The following RBPJ variants were observed in gnomAD, a reference collection of about 807,000 sequenced individuals.
RBPJ encodes recombination signal binding protein for immunoglobulin kappa J region, also known as recombining binding protein suppressor of hairless.
Under a neutral mutation model 67.8 loss-of-function variants are expected in RBPJ, and 9 were observed. That is an observed-to-expected ratio of 0.13 (90% CI 0.08 to 0.23). RBPJ has a LOEUF of 0.23. Among genes scored for constraint, RBPJ ranks in the 10% least tolerant of loss-of-function variants. The pLI is 1.00. For missense variants in RBPJ, 305 were observed against 595.6 expected, an observed-to-expected ratio of 0.51 and a Z score of 5.08; for synonymous variants, 198 against 203.3, an observed-to-expected ratio of 0.97 and a Z score of 0.22.
intron 1 of RBPJ, among the ~76,000 whole-genome samples, chr4:26,229,204 C>T (rs888209694): frequency 2.0e-5 from 3 of 152,152 alleles, no homozygotes; most frequent in African/African-American, 7.2e-5. Flanking sequence ...GGTAGATTTT[C>T]CTAAATGTGG....
chr4:26,329,801 G>T (rs1724037843), intron 1 of RBPJ, among the ~76,000 whole-genome samples: 2 of 152,036 alleles, frequency 1.3e-5, no homozygotes, highest in Non-Finnish European at 2.9e-5. Flanking sequence ...GGCTGAGGCA[G>T]GAGAATGGCA....
chr4:26,297,334 T>TTGTGTGTGTG (rs3065203), intron 1 of RBPJ, among the ~76,000 whole-genome samples: 25 of 146,696 alleles, frequency 1.7e-4, no homozygotes, highest in African/African-American at 6.1e-4. Context: ...AAAAATCACT[T>TTGTGTGTGTG]TGTGTGTGTG....
At chr4:26,202,627 C>A (rs1370909825) in intron 1 of RBPJ, among the ~76,000 whole-genome samples, 1 of 152,042 alleles carries the variant, frequency 6.6e-6, no homozygotes. Flanking sequence ...AATTTCTCAG[C>A]TGGGCACGGT....
chr4:26,421,621 T>C (rs1735145668), intron 5 of RBPJ, among the ~76,000 whole-genome samples: 1 of 152,104 alleles, frequency 6.6e-6, no homozygotes, highest in South Asian at 2.1e-4. Flanking sequence ...CAAATTTATA[T>C]AAAAGGGAGA....
At chr4:26,429,305 A>G (rs1025744506) in intron 8 of RBPJ, among the ~76,000 whole-genome samples, 1 of 152,210 alleles carries the variant, frequency 6.6e-6, no homozygotes, top group Non-Finnish European at 1.5e-5. Context: ...TTTTACATTT[A>G]CTCAGAAGGC....
the RBPJ span, among the ~76,000 whole-genome samples, chr4:26,138,619 T>A: frequency 6.6e-6 from 1 of 151,872 alleles, no homozygotes; most frequent in Non-Finnish European, 1.5e-5. Flanking sequence ...TGCTCTGGAG[T>A]CTGAGTCTTT....
intron 1 of RBPJ, among the ~76,000 whole-genome samples, chr4:26,239,935 ATTT>A (rs1719579344): frequency 6.6e-6 from 1 of 152,014 alleles, no homozygotes; most frequent in African/African-American, 2.4e-5. Context: ...ACTTTGCAAA[ATTT>A]TTCTTGTAAA....
chr4:26,172,957 T>C (rs1464690386), intron 1 of RBPJ, among the ~76,000 whole-genome samples: 1 of 152,124 alleles, frequency 6.6e-6, no homozygotes, highest in East Asian at 1.9e-4. Context: ...TGAAAGGATA[T>C]TAGGGGCAGT....
chr4:26,109,425 C>CCTCTCTCT, the RBPJ span, among the ~76,000 whole-genome samples: 6 of 22,910 alleles, frequency 2.6e-4, 1 homozygote, highest in Non-Finnish European at 3.8e-4. Flanking sequence ...TCTCTCTCTC[C>CCTCTCTCT]CTCTCTCTCT....
the RBPJ span, among the ~76,000 whole-genome samples, chr4:26,152,295 C>A: frequency 2.2e-4 from 34 of 152,166 alleles, no homozygotes; most frequent in African/African-American, 8.2e-4. Context: ...CTGTCTTTTT[C>A]ATCCACCACG....
chr4:26,141,666 T>C, the RBPJ span, among the ~76,000 whole-genome samples: 170 of 152,358 alleles, frequency 1.1e-3, 1 homozygote, highest in African/African-American at 4.0e-3. Flanking sequence ...TCAAGTCTTC[T>C]TTTCTGGCTA....
Position 26,424,597 on chromosome 4 carries a change from A to T in RBPJ, c.635-34A>T, listed in dbSNP as rs370122284. On this transcript the variant is annotated intron_variant, in intron 6 of 10. Coordinates refer to ENST00000355476, the MANE Select transcript of RBPJ (RefSeq NM_015874.6). This position sits in a 1 kb window ranked among gnomAD's most constrained non-coding sequence, Gnocchi z 5.3. Reference sequence around the variant, plus strand: ...CTAATCATAAAATAAATTTAAAAAGATGACAATTTGATTTATTTTTCCACC... The same window carrying T: ...CTAATCATAAAATAAATTTAAAAAGTTGACAATTTGATTTATTTTTCCACC... The T allele has an allele frequency of 6.4e-6, 10 of 1,563,544 alleles. 1 individual carries two copies. The highest frequency in any genetic ancestry group is 3.5e-5 in the Admixed American group (2 of 57,086).
intron 1 of RBPJ, among the ~76,000 whole-genome samples, chr4:26,301,232 G>C (rs1722064018): frequency 6.6e-6 from 1 of 152,150 alleles, no homozygotes; most frequent in Non-Finnish European, 1.5e-5. Flanking sequence ...ACTAAGATCT[G>C]ACCCATCCTC....
chr4:26,319,828 C>CT, upstream of RBPJ: 7 of 1,571,152 alleles, frequency 4.5e-6, no homozygotes, highest in Non-Finnish European at 4.4e-6. Context: ...GGAGGCAGTG[C>CT]TGGATCTGGG....
At chr4:26,158,836 T>G (rs143611007), upstream of RBPJ, among the ~76,000 whole-genome samples, 70 of 152,310 alleles carry the variant, frequency 4.6e-4, no homozygotes, top group Non-Finnish European at 3.1e-4. Flanking sequence ...TTCAGATCCT[T>G]GAAAGATGAG....
the RBPJ span, among the ~76,000 whole-genome samples, chr4:26,111,277 C>T: frequency 2.0e-5 from 3 of 152,154 alleles, no homozygotes; most frequent in African/African-American, 7.2e-5. Flanking sequence ...CTAGGAGACT[C>T]TTACACATCT....
chr4:26,184,204 A>AG (rs56929402), intron 1 of RBPJ, among the ~76,000 whole-genome samples: 27 of 151,204 alleles, frequency 1.8e-4, no homozygotes, highest in African/African-American at 6.1e-4. Flanking sequence ...AAAGAAAGAA[A>AG]AAAAATGTAT....
chr4:26,198,393 C>T (rs1717860825), intron 1 of RBPJ, among the ~76,000 whole-genome samples: 1 of 152,168 alleles, frequency 6.6e-6, no homozygotes, highest in Non-Finnish European at 1.5e-5. Flanking sequence ...GTCAAGGGTT[C>T]ATTGCTGTAT....
chr4:26,258,807 T>C (rs1437042674), intron 1 of RBPJ, among the ~76,000 whole-genome samples: 5 of 151,676 alleles, frequency 3.3e-5, no homozygotes, highest in African/African-American at 7.3e-5. Flanking sequence ...TATTTATTTA[T>C]TTATTTATTT....
Sources: allele counts gnomAD v4.1 joint callset (sites outside exome capture counted in the v4.1 genomes callset), GRCh38; gene constraint gnomAD v4.1.1; non-coding constraint Gnocchi (gnomAD v3.1); transcripts MANE v1.5; gene names NCBI Gene and HGNC (gene_info 2026-07-23, HGNC 2026-07-21).